SBF1: variants seen among roughly 807,000 people sequenced by gnomAD.
The protein encoded by SBF1 is myotubularin-related protein 5.
Under a neutral mutation model 215.8 loss-of-function variants are expected in SBF1, and 65 were observed. The ratio of observed to expected loss-of-function variants is 0.30; its 90% CI spans 0.25 to 0.37. The LOEUF (loss-of-function observed/expected upper bound fraction) is 0.37. SBF1 is among the 10% of genes least tolerant of loss of function. The probability of loss-of-function intolerance (pLI) is 1.00; values close to 1 mark genes in which losing one functional copy is unlikely to be tolerated. For synonymous variants in SBF1, 1,410 were observed against 1,122.8 expected (o/e 1.26, Z -5.11); for missense variants, 2,634 against 2,667.8 (o/e 0.99, Z 0.28).
At position 50,455,067 on chromosome 22, in the gene SBF1, G is replaced by A. The variant is rs751794256; in HGVS notation, c.4630C>T (p.Arg1544Cys). The change falls in exon 34 of 41, where the codon CGC becomes TGC. Residue 1544 changes from arginine to cysteine, a missense_variant. Coordinates refer to ENST00000380817, the MANE Select transcript of SBF1 (RefSeq NM_002972.4). ...LKFLGYHHVS[R>C]RFRTFLLDSD... ...TCGAGCAGGAAGGTCCGGAAACGGC[G>A]GGACACATGGTGGTAGCCGAGGAAC... The A allele has an allele frequency of 9.9e-6, 16 of 1,614,014 alleles. No individual in the cohort carries two copies. The highest frequency in any genetic ancestry group is 4.0e-5 in the African/African-American group (3 of 74,928).
intron 30 of SBF1, 27 bp downstream of exon 30, chr22:50,456,465 A>AACCCCCCCCCCCCCC: frequency 1.3e-6 from 1 of 748,660 alleles, no homozygotes; most frequent in East Asian, 4.5e-5. Flanking sequence ...CCCCACCCTC[A>AACCCCCCCCCCCCCC]CCCCCCACCC....
chr22:50,466,007 G>A lies in SBF1; in HGVS notation c.965C>T (p.Pro322Leu), dbSNP rs746975354. The A allele has an allele frequency of 2.5e-6, 4 of 1,613,852 alleles. No homozygotes were observed. The highest frequency in any genetic ancestry group is 1.1e-5 in the South Asian group (1 of 91,076). Residue 322 changes from proline (P) to leucine (L), a missense_variant, in exon 9 of 41, where the codon CCC (proline) becomes CTC (leucine). Pro to Leu is a moderately conservative substitution (Grantham distance 98). Coordinates refer to ENST00000380817, the MANE Select transcript of SBF1 (RefSeq NM_002972.4). ...CTGACTCTGCAGTGGCTCTGGCAAG[G>A]GTGGAATGTGCACACACTCAGGAAT... ...VTIPECVHIP[P>L]LPEPLQSQTH...
intron 1 of SBF1, among the ~76,000 whole-genome samples, chr22:50,471,202 C>G (rs532968141): frequency 6.6e-6 from 1 of 152,354 alleles, no homozygotes; most frequent in Admixed American, 6.5e-5. Context: ...ACCTCCACCT[C>G]TGAACATGGG....
chr22:50,456,001 C>A (rs2067230911), intron 31 of SBF1: 2 of 596,952 alleles, frequency 3.4e-6, no homozygotes, highest in Non-Finnish European at 5.8e-6. Flanking sequence ...ATACCCATGC[C>A]CAAGCCCTGG....
chr22:50,448,053 A>G (rs1476292543), intron 38 of SBF1, among the ~76,000 whole-genome samples, 180 bp downstream of exon 38: 2 of 152,202 alleles, frequency 1.3e-5, no homozygotes, highest in African/African-American at 4.8e-5. Flanking sequence ...CTCCTCCCTC[A>G]GCCACTGCAG....
In SBF1 at chr22:50,474,994, C is replaced by CGGCGG; in HGVS notation, c.-155_-154insCCGCC. The CGGCGG allele has an allele frequency of 3.7e-6, 1 of 271,226 alleles. No homozygotes were observed. Among genetic ancestry groups the CGGCGG allele is most frequent in the South Asian group, 9.7e-5 (1 of 10,302 alleles). 16.8% of individuals were successfully genotyped at this position (271,226 alleles called of 1,614,324 possible). A position where few individuals can be genotyped will look rare whatever the true frequency, so the allele number is the denominator to read the frequency against. On this transcript the variant is annotated 5_prime_UTR_variant, in exon 1 of 41. The change abolishes the stop of an existing upstream ORF in the 5' untranslated region. Transcript: ENST00000380817. ...GCGGCGGCGGCGGCGGCGGCGGCGGCCCAGGTTCCCGCCGCCATCTTCCCA... is the reference window on the plus strand; with the variant it reads ...GCGGCGGCGGCGGCGGCGGCGGCGGCGGCGGCCAGGTTCCCGCCGCCATCTTCCCA...
chr22:50,474,672 C>T (rs1603436104), intron 1 of SBF1, 114 bp downstream of exon 1: 3 of 867,034 alleles, frequency 3.5e-6, no homozygotes, highest in East Asian at 7.5e-5. Context: ...GCCTCCCGAC[C>T]CAGCCCCCAG....
chr22:50,470,527 A>C (rs1176444566), intron 1 of SBF1, among the ~76,000 whole-genome samples: 1 of 152,042 alleles, frequency 6.6e-6, no homozygotes, highest in Non-Finnish European at 1.5e-5. Context: ...CCTCTCCCTG[A>C]GCTCCTCTGT....
Position 50,467,668 on chromosome 22 carries a change from G to A in SBF1, c.302C>T (p.Ala101Val). ...PSQETTRVED[A>V]TEREEEGDEG... is the part of the protein sequence containing the mutation. ...ATCCCCCTCTTCCTCCCTCTCTGTG[G>A]CATCCTCCACGCGCGTCGTTTCCTG... The change falls in exon 4 of 41, where the codon GCC (alanine) becomes GTC (valine). Residue 101 changes from alanine to valine, a missense_variant. Transcript: ENST00000380817. The A allele has an allele frequency of 6.2e-7, 1 of 1,608,044 alleles. No individual in the cohort carries two copies. The highest frequency in any genetic ancestry group is 8.5e-7 in the Non-Finnish European group (1 of 1,177,490).
rs367818053 is a variant in SBF1, at chr22:50,457,018, A to G, written c.3904+16T>C. On this transcript the variant is annotated intron_variant, in intron 29 of 40. Transcript: ENST00000380817. ...CAAGTAAGGGGAGGCGGGCCTGCGC[A>G]GGCTCGGTACGGTACCTCGGGGTGC... is the stretch of plus-strand genomic sequence containing the variant. 2.1e-6 allele frequency: 3 copies of G among 1,417,348 alleles called. No homozygotes were observed. Among genetic ancestry groups the G allele is most frequent in the Non-Finnish European group, 2.8e-6 (3 of 1,085,590 alleles). 87.8% of individuals were successfully genotyped at this position (1,417,348 alleles called of 1,614,324 possible). A position where few individuals can be genotyped will look rare whatever the true frequency, so the allele number is the denominator to read the frequency against.
Position 50,462,255 on chromosome 22 carries a change from A to G in SBF1, c.2346T>C (p.Arg782=), listed in dbSNP as rs371564684. 4.0e-5 allele frequency: 65 copies of G among 1,610,262 alleles called. No individual in the cohort carries two copies. In the African/African-American group the frequency reaches 8.1e-4, roughly 20 times the overall value. ...CGCTCTCCAGGTCGCCCAGCCCGGC[A>G]CGCTCCCGAAGTAGGCGGCTCTTGC... is the stretch of plus-strand genomic sequence containing the variant. The part of the protein sequence containing the change: ...DSSKSRLLRE[R]AGLGDLESAS... The change falls in exon 19 of 41, where the codon CGT becomes CGC. Residue 782 remains arginine (R), a synonymous_variant. Coordinates refer to ENST00000380817, the MANE Select transcript of SBF1 (RefSeq NM_002972.4).
chr22:50,465,324 T>C lies in SBF1; in HGVS notation c.1094A>G (p.Lys365Arg). ...CCGCAGGAAGACCGCGCGCAGCTCC[T>C]TGTCCTGGGAGAAGAGCTGAGTGCA... is the stretch of plus-strand genomic sequence containing the variant. ...TSTSSLKMQD[K>R]ELRAVFLRLF... Residue 365 changes from lysine to arginine, a missense_variant, in exon 11 of 41, where the codon AAG becomes AGG. By Grantham distance (26) the Lys-to-Arg change is conservative. Transcript: ENST00000380817. 1.3e-6 allele frequency: 2 copies of C among 1,584,500 alleles called. No homozygotes were observed. Among genetic ancestry groups the C allele is most frequent in the Non-Finnish European group, 1.7e-6 (2 of 1,165,950 alleles).
rs1339211192 is a variant in SBF1, at chr22:50,446,217, A to G, written c.*925T>C. Reference sequence around the variant, plus strand: ...ACGGGGGCCCTCTGAGACCCCAGGGAAAGGACTTTTGGGGCAGAATTCCCA... The same window carrying G: ...ACGGGGGCCCTCTGAGACCCCAGGGGAAGGACTTTTGGGGCAGAATTCCCA... On this transcript the variant is annotated 3_prime_UTR_variant, in exon 41 of 41. Transcript: ENST00000380817. 6.6e-6 allele frequency: 1 copy of G among 152,272 alleles called. No homozygotes were observed. Among genetic ancestry groups the G allele is most frequent in the Non-Finnish European group, 1.5e-5 (1 of 68,156 alleles). 9.4% of individuals were successfully genotyped at this position (152,272 alleles called of 1,614,324 possible). A position where few individuals can be genotyped will look rare whatever the true frequency, so the allele number is the denominator to read the frequency against.
chr22:50,464,196 C>T, intron 15 of SBF1, 133 bp downstream of exon 15: 1 of 766,108 alleles, frequency 1.3e-6, no homozygotes, highest in Non-Finnish European at 2.1e-6. Context: ...CTCCGGCCAG[C>T]CCAGCCACCT....
At chr22:50,461,405 C>T in intron 22 of SBF1, 118 bp downstream of exon 22, 1 of 1,497,050 alleles carries the variant, frequency 6.7e-7, no homozygotes, top group Non-Finnish European at 8.9e-7. Context: ...AGACAAAGGC[C>T]CGTTTCCCAC....
chr22:50,459,130 C>G, intron 28 of SBF1, 125 bp downstream of exon 28: 1 of 1,365,736 alleles, frequency 7.3e-7, no homozygotes. Flanking sequence ...TGCTCCTCAT[C>G]CCACACCCAA....
rs1056894715 is a variant in SBF1, at chr22:50,447,002, G to A, written c.*140C>T. ...GCCGGGCGGGGCGGGGCGGGGACGG[G>A]GGCTGTACACACAAGTGCTGGGGGC... On this transcript the variant is annotated 3_prime_UTR_variant, in exon 41 of 41. Coordinates refer to ENST00000380817, the MANE Select transcript of SBF1 (RefSeq NM_002972.4). 26 of 782,954 alleles carry A rather than the reference G, an allele frequency of 3.3e-5. No homozygotes were observed. The highest frequency in any genetic ancestry group is 3.6e-4 in the Middle Eastern group (1 of 2,804). The allele number at this position is 782,954 out of a possible 1,614,324, so 48.5% of individuals were successfully genotyped here. A position where few individuals can be genotyped will look rare whatever the true frequency, so the allele number is the denominator to read the frequency against.
chr22:50,464,295 G>A (rs762756226), intron 15 of SBF1, 34 bp downstream of exon 15: 5 of 1,563,714 alleles, frequency 3.2e-6, no homozygotes, highest in Non-Finnish European at 4.4e-6. Flanking sequence ...GAAACCCGCT[G>A]CCCTGGCCCG....
chr22:50,458,267 C>G (rs183762299), intron 28 of SBF1, among the ~76,000 whole-genome samples: 1 of 148,626 alleles, frequency 6.7e-6, no homozygotes, highest in Non-Finnish European at 1.5e-5. Flanking sequence ...ATCGCACCAC[C>G]GCACTCCAGC....
Sources: allele counts gnomAD v4.1 joint callset (sites outside exome capture counted in the v4.1 genomes callset), GRCh38; gene constraint gnomAD v4.1.1; transcripts MANE v1.5; gene names NCBI Gene and HGNC (gene_info 2026-07-23, HGNC 2026-07-21).